The following SCHIP1 variants were observed in gnomAD, a reference collection of about 807,000 sequenced individuals.
SCHIP1 encodes the protein schwannomin interacting protein 1.
In SCHIP1, 8 loss-of-function variants were observed where a neutral mutation model predicts 29.7. That is an observed-to-expected ratio of 0.27 (90% CI 0.16 to 0.49). The LOEUF (loss-of-function observed/expected upper bound fraction) is 0.49. Among genes scored for constraint, SCHIP1 ranks in the 20% least tolerant of loss-of-function variants. The pLI is 0.99. For missense variants in SCHIP1, 193 were observed against 294.6 expected (o/e 0.66, Z 2.52); for synonymous variants, 76 against 94.9 (o/e 0.80, Z 1.16).
At chr3:159,346,902 A>G in the SCHIP1 span, among the ~76,000 whole-genome samples, 11 of 152,240 alleles carry the variant, frequency 7.2e-5, no homozygotes, top group Admixed American at 1.3e-4. Flanking sequence ...TGCAAATGCA[A>G]GATGACATTT....
intron 2 of SCHIP1, among the ~76,000 whole-genome samples, chr3:159,878,574 C>T (rs553543533): frequency 1.3e-5 from 2 of 151,614 alleles, no homozygotes; most frequent in South Asian, 4.2e-4. Context: ...GTCAGGAGAT[C>T]GAGACCATCC....
chr3:159,862,405 G>A (rs78893244), intron 1 of SCHIP1, among the ~76,000 whole-genome samples: 1,578 of 152,256 alleles, frequency 0.01, 31 homozygotes, highest in African/African-American at 0.036. Context: ...AGAAATTGTT[G>A]GAGTATGAAC....
chr3:159,286,529 A>G, the SCHIP1 span, among the ~76,000 whole-genome samples: 1 of 152,218 alleles, frequency 6.6e-6, no homozygotes. Context: ...CACTGCGATT[A>G]GCATACATGA....
At chr3:159,816,557 G>A in the SCHIP1 span, among the ~76,000 whole-genome samples, 2 of 152,154 alleles carry the variant, frequency 1.3e-5, no homozygotes, top group African/African-American at 4.8e-5. Flanking sequence ...TTACAGAGGG[G>A]AGCCAGCCCG....
chr3:159,282,298 T>A, the SCHIP1 span, among the ~76,000 whole-genome samples: 178 of 152,186 alleles, frequency 1.2e-3, no homozygotes, highest in African/African-American at 4.2e-3. Context: ...GAATTTCTTT[T>A]TTAGTTGTTG....
At chr3:159,896,341 C>G (rs990302061) in intron 6 of SCHIP1, among the ~76,000 whole-genome samples, 3 of 152,156 alleles carry the variant, frequency 2.0e-5, no homozygotes, top group African/African-American at 2.4e-5. Flanking sequence ...CTCATATTCC[C>G]CATGAGAACA....
chr3:159,409,014 T>G, the SCHIP1 span, among the ~76,000 whole-genome samples: 1 of 152,160 alleles, frequency 6.6e-6, no homozygotes, highest in Non-Finnish European at 1.5e-5. Flanking sequence ...ATACATCATA[T>G]CAACAGAATG....
At chr3:159,321,879 CTT>C in the SCHIP1 span, among the ~76,000 whole-genome samples, 2 of 152,010 alleles carry the variant, frequency 1.3e-5, no homozygotes, top group Non-Finnish European at 2.9e-5. Flanking sequence ...TAATAAACCT[CTT>C]AAAACAGTGT....
At chr3:159,314,053 C>A in the SCHIP1 span, among the ~76,000 whole-genome samples, 1 of 152,142 alleles carries the variant, frequency 6.6e-6, no homozygotes, top group Non-Finnish European at 1.5e-5. Context: ...AAAGTGATAT[C>A]TGTCAGGTTT....
chr3:159,635,545 T>C, the SCHIP1 span, among the ~76,000 whole-genome samples: 4 of 152,212 alleles, frequency 2.6e-5, no homozygotes, highest in East Asian at 7.7e-4. Context: ...TGTAAGTTTC[T>C]TGAGGGGATA....
chr3:159,286,579 G>A, the SCHIP1 span, among the ~76,000 whole-genome samples: 198 of 152,236 alleles, frequency 1.3e-3, 1 homozygote, highest in African/African-American at 4.7e-3. Context: ...ATTCCTTTGA[G>A]TATATACCTA....
chr3:159,688,373 A>G, the SCHIP1 span, among the ~76,000 whole-genome samples: 10 of 151,990 alleles, frequency 6.6e-5, no homozygotes, highest in Non-Finnish European at 1.2e-4. Flanking sequence ...TTTTTTTCAT[A>G]GGTTTGTTGG....
chr3:159,426,940 A>G, the SCHIP1 span, among the ~76,000 whole-genome samples: 1 of 152,226 alleles, frequency 6.6e-6, no homozygotes, highest in Non-Finnish European at 1.5e-5. Context: ...AAACCACATG[A>G]TTATCTCAAT....
At chr3:159,654,802 T>TAAA in the SCHIP1 span, among the ~76,000 whole-genome samples, 1,344 of 103,746 alleles carry the variant, frequency 0.013, 35 homozygotes, top group African/African-American at 0.045. Context: ...TGACTTTAAG[T>TAAA]AAAAAAAAAA....
At chr3:159,472,183 G>T in the SCHIP1 span, among the ~76,000 whole-genome samples, 2 of 152,108 alleles carry the variant, frequency 1.3e-5, no homozygotes, top group Non-Finnish European at 2.9e-5. Flanking sequence ...GATCTTAAAT[G>T]AAACAAGCAT....
the SCHIP1 span, among the ~76,000 whole-genome samples, chr3:159,649,989 T>C: frequency 6.6e-6 from 1 of 152,202 alleles, no homozygotes; most frequent in Non-Finnish European, 1.5e-5. Context: ...TTTAATAGCA[T>C]AGCTACACTT....
chr3:159,680,627 ATATTTTATATAT>A, the SCHIP1 span, among the ~76,000 whole-genome samples: 4 of 91,136 alleles, frequency 4.4e-5, no homozygotes, highest in Admixed American at 1.8e-4. Flanking sequence ...TATATAATAT[ATATTTTATATAT>A]TATATAATAT....
chr3:159,604,785 C>T, the SCHIP1 span, among the ~76,000 whole-genome samples: 2 of 152,158 alleles, frequency 1.3e-5, no homozygotes, highest in Non-Finnish European at 2.9e-5. Flanking sequence ...GAATATTTGG[C>T]ATGACATGTA....
intron 1 of SCHIP1, among the ~76,000 whole-genome samples, chr3:159,847,336 A>T (rs1711978747): frequency 6.6e-6 from 1 of 152,228 alleles, no homozygotes; most frequent in African/African-American, 2.4e-5. Context: ...ATCCCATTGA[A>T]GTCATATCCC....
Sources: allele counts gnomAD v4.1 joint callset (sites outside exome capture counted in the v4.1 genomes callset), GRCh38; gene constraint gnomAD v4.1.1; transcripts MANE v1.5; gene names NCBI Gene and HGNC (gene_info 2026-07-23, HGNC 2026-07-21).